The following BRPF1 variants were observed in gnomAD, a reference collection of about 807,000 sequenced individuals.
BRPF1 encodes the protein bromodomain and PHD finger containing 1.
Under a neutral mutation model 115.0 loss-of-function variants are expected in BRPF1, and 15 were observed. That is an observed-to-expected ratio of 0.13 (90% CI 0.09 to 0.20). The LOEUF is 0.20. Ranked by LOEUF, BRPF1 falls within the 10% of genes least tolerant of loss-of-function variation. The probability of loss-of-function intolerance (pLI) is 1.00; values close to 1 mark genes in which losing one functional copy is unlikely to be tolerated. For synonymous variants in BRPF1, 647 were observed against 619.8 expected (o/e 1.04, Z -0.65); for missense variants, 1,118 against 1,638.3 (o/e 0.68, Z 5.48).
chr3:9,740,137 T>C (rs1212522168), intron 3 of BRPF1, among the ~76,000 whole-genome samples, 179 bp downstream of exon 3: 1 of 152,258 alleles, frequency 6.6e-6, no homozygotes, highest in Non-Finnish European at 1.5e-5. Context: ...GACTTTCACA[T>C]TAAGAGCCAG....
intron 2 of BRPF1, among the ~76,000 whole-genome samples, chr3:9,737,156 T>G (rs769734494): frequency 6.6e-6 from 1 of 152,204 alleles, no homozygotes; most frequent in African/African-American, 2.4e-5. Context: ...AAGAAGCTGC[T>G]TCCTACAATG....
intron 3 of BRPF1, 75 bp downstream of exon 3, chr3:9,740,033 T>G: frequency 6.8e-7 from 1 of 1,461,918 alleles, no homozygotes; most frequent in Non-Finnish European, 9.0e-7. Context: ...GCCTCCTGAG[T>G]GGAATGGCAG....
chr3:9,735,540 A>G (rs1330266464), intron 2 of BRPF1, among the ~76,000 whole-genome samples: 1 of 152,218 alleles, frequency 6.6e-6, no homozygotes, highest in Non-Finnish European at 1.5e-5. Flanking sequence ...CCCAAAAGGT[A>G]GAAGACTAGG....
In BRPF1 at chr3:9,745,793, C is replaced by CT. The variant is rs2077115236; in HGVS notation, c.3206-18dup. ...CCCCCCAGCTGCTGATCCACCCCCT[C>CT]TCCCCCATTCCTGTGAAGTGGTAAG... On this transcript the variant is annotated intron_variant, in intron 11 of 13. Transcript: ENST00000383829. The surrounding 1 kb of genome is among the most constrained non-coding windows in gnomAD (Gnocchi z 5.1). 4 of 1,612,436 alleles carry CT rather than the reference C, an allele frequency of 2.5e-6. No homozygotes were observed. The highest frequency in any genetic ancestry group is 3.4e-6 in the Non-Finnish European group (4 of 1,178,648).
In BRPF1 at chr3:9,734,703, C is replaced by T; in HGVS notation, c.563C>T (p.Thr188Ile). ...GTCTATCGGGAGCTGGAACAGGACA[C>T]CCCTGATGCCCCACCCCGGCCAACT... ...EVVYRELEQD[T>I]PDAPPRPTSY... Residue 188 changes from threonine to isoleucine, a missense_variant, in exon 2 of 14, where the codon ACC (threonine) becomes ATC (isoleucine). Physicochemically the swap from Thr to Ile is moderately conservative, Grantham distance 89. Around this residue, in one of 10 missense-constraint regions of BRPF1, gnomAD observed 280 missense variants for 382.8 expected, o/e 0.73. Coordinates refer to ENST00000383829, the MANE Select transcript of BRPF1 (RefSeq NM_001003694.2). This position sits in a 1 kb window ranked among gnomAD's most constrained non-coding sequence, Gnocchi z 5.7. The T allele has an allele frequency of 6.2e-7, 1 of 1,614,164 alleles. No individual in the cohort carries two copies.
rs780956717 is a variant in BRPF1 at position 9,743,612 on chromosome 3, C to A, written c.2346C>A (p.Asn782Lys). Reference protein sequence around the residue: ...AEEERLVLLENQKHLPVEEQL... With the variant: ...AEEERLVLLEKQKHLPVEEQL... ...AAGAGCGGCTGGTCTTGCTGGAGAA[C>A]CAGAAGCACCTGCCAGTGGAAGAAC... Residue 782 changes from asparagine to lysine, a missense_variant, in exon 8 of 14, where the codon AAC becomes AAA. Physicochemically the swap from Asn to Lys is moderately conservative, Grantham distance 94. Around this residue, in one of 10 missense-constraint regions of BRPF1, gnomAD observed 223 missense variants for 240.7 expected, o/e 0.93. Transcript: ENST00000383829. This position sits in a 1 kb window ranked among gnomAD's most constrained non-coding sequence, Gnocchi z 6.1. 5.6e-6 allele frequency: 9 copies of A among 1,613,166 alleles called. No individual in the cohort carries two copies. The highest frequency in any genetic ancestry group is 6.8e-6 in the Non-Finnish European group (8 of 1,179,874).
At chr3:9,736,004 A>ATTTTTTTTT (rs34061910) in intron 2 of BRPF1, among the ~76,000 whole-genome samples, 2 of 89,266 alleles carry the variant, frequency 2.2e-5, no homozygotes, top group Non-Finnish European at 4.1e-5. Flanking sequence ...TTAAACCTCC[A>ATTTTTTTTT]TTTTTTTTTT....
rs778220319 is a variant in BRPF1 at position 9,734,452 on chromosome 3, T to C, written c.312T>C (p.His104=). Residue 104 remains histidine, a synonymous_variant, in exon 2 of 14, where the codon CAT becomes CAC. Transcript: ENST00000383829. This position sits in a 1 kb window ranked among gnomAD's most constrained non-coding sequence, Gnocchi z 5.7. ...AGCGCATGGTGGAGGTGGACTTGCATGGCCGCGTCCACCGCATCAGCATCT... is the reference window on the plus strand; with the variant it reads ...AGCGCATGGTGGAGGTGGACTTGCACGGCCGCGTCCACCGCATCAGCATCT... ...QAQRMVEVDL[H]GRVHRISIFD... is the part of the protein sequence containing the mutation. 1.9e-6 allele frequency: 3 copies of C among 1,614,060 alleles called. No homozygotes were observed. Among genetic ancestry groups the C allele is most frequent in the Non-Finnish European group, 2.5e-6 (3 of 1,180,016 alleles).
chr3:9,739,434 C>T lies in BRPF1; in HGVS notation c.1035C>T (p.Asp345=), dbSNP rs755940931. Residue 345 remains aspartate, a synonymous_variant, in exon 3 of 14, where the codon GAC becomes GAT. Coordinates refer to ENST00000383829, the MANE Select transcript of BRPF1 (RefSeq NM_001003694.2). ...GCGGTGCCTTCAAGCAGACAGATGA[C>T]GGGCGCTGGGCCCATGTGGTGTGTG... ...NKGGAFKQTD[D]GRWAHVVCAL... The T allele has an allele frequency of 1.9e-5, 30 of 1,614,000 alleles. No individual in the cohort carries two copies. The African/African-American group carries it at 2.1e-4, about 11-fold the overall frequency.
At chr3:9,744,039 G>A (rs1201975775) in intron 8 of BRPF1, 138 bp downstream of exon 8, 1 of 1,308,552 alleles carries the variant, frequency 7.6e-7, no homozygotes, top group South Asian at 1.5e-5. Context: ...CCCCAATCAG[G>A]GGCCTCTTAG....
rs1366944095 is a variant in BRPF1 at position 9,747,770 on chromosome 3, G to A, written c.*421G>A. 6.1e-6 allele frequency: 1 copy of A among 162,644 alleles called. No homozygotes were observed. Among genetic ancestry groups the A allele is most frequent in the Non-Finnish European group, 1.3e-5 (1 of 74,564 alleles). 10.1% of individuals were successfully genotyped at this position (162,644 alleles called of 1,614,324 possible). The stretch of plus-strand genomic sequence containing the variant: ...TGTCCAGCCTGGAAGAGGGGCACTA[G>A]GTGACTCCCTCCCCTGCTGTTGTAA... On this transcript the variant is annotated 3_prime_UTR_variant, in exon 14 of 14. Transcript: ENST00000383829. The surrounding 1 kb of genome is among the most constrained non-coding windows in gnomAD (Gnocchi z 5.6).
chr3:9,736,197 G>C (rs1264104038), intron 2 of BRPF1, among the ~76,000 whole-genome samples: 1 of 151,512 alleles, frequency 6.6e-6, no homozygotes, highest in Non-Finnish European at 1.5e-5. Flanking sequence ...TAGTAGAGAT[G>C]GGGTTTCACC....
Position 9,745,758 on chromosome 3 carries a change from G to T in BRPF1, c.3205+49G>T. On this transcript the variant is annotated intron_variant, in intron 11 of 13. Coordinates refer to ENST00000383829, the MANE Select transcript of BRPF1 (RefSeq NM_001003694.2). This position sits in a 1 kb window ranked among gnomAD's most constrained non-coding sequence, Gnocchi z 5.1. Reference sequence around the variant, plus strand: ...GGGATGCTGGGGACCCAGTGTCAGGGTCTCGCCAGCCCCCCAGCTGCTGAT... The same window carrying T: ...GGGATGCTGGGGACCCAGTGTCAGGTTCTCGCCAGCCCCCCAGCTGCTGAT... The T allele has an allele frequency of 6.2e-7, 1 of 1,611,214 alleles. No homozygotes were observed. The highest frequency in any genetic ancestry group is 8.5e-7 in the Non-Finnish European group (1 of 1,177,568).
At position 9,743,674 on chromosome 3, in the gene BRPF1, A is replaced by G. The variant is rs765842169; in HGVS notation, c.2408A>G (p.Asn803Ser). ...CTTCTGGAGCGGCTGGACGAAGTGA[A>G]TGCCAGCAAGCAGAGTGTGGGCCGC... ...KLLLERLDEV[N>S]ASKQSVGRSR... The change falls in exon 8 of 14, where the codon AAT becomes AGT. Residue 803 changes from asparagine (N) to serine (S), a missense_variant. Asn to Ser is a conservative substitution (Grantham distance 46). Transcript: ENST00000383829. This position sits in a 1 kb window ranked among gnomAD's most constrained non-coding sequence, Gnocchi z 6.1. The G allele has an allele frequency of 1.2e-6, 2 of 1,614,172 alleles. No homozygotes were observed. The highest frequency in any genetic ancestry group is 1.7e-6 in the Non-Finnish European group (2 of 1,180,036).
Position 9,747,024 on chromosome 3 carries a change from A to G in BRPF1, c.3480-142A>G. Reference sequence around the variant, plus strand: ...GACTGGGCTCTTTCATCTCTAGACCATGAACAGTCCTTTGAGGGCAGGGAC... The same window carrying G: ...GACTGGGCTCTTTCATCTCTAGACCGTGAACAGTCCTTTGAGGGCAGGGAC... On this transcript the variant is annotated intron_variant, in intron 13 of 13. Coordinates refer to ENST00000383829, the MANE Select transcript of BRPF1 (RefSeq NM_001003694.2). The surrounding 1 kb of genome is among the most constrained non-coding windows in gnomAD (Gnocchi z 5.6). 1 of 919,630 alleles carries G rather than the reference A, an allele frequency of 1.1e-6. No homozygotes were observed. Among genetic ancestry groups the G allele is most frequent in the South Asian group, 1.5e-5 (1 of 66,686 alleles). The allele number at this position is 919,630 out of a possible 1,614,324, so 57.0% of individuals were successfully genotyped here.
intron 2 of BRPF1, among the ~76,000 whole-genome samples, chr3:9,736,801 C>T (rs2076949372): frequency 6.6e-6 from 1 of 152,226 alleles, no homozygotes; most frequent in Admixed American, 6.5e-5. Context: ...GATTTGAGGT[C>T]ATCTCTCTAA....
In BRPF1 at chr3:9,739,820, A is replaced by C. The variant is rs1333251762; in HGVS notation, c.1421A>C (p.Glu474Ala). The change falls in exon 3 of 14, where the codon GAG becomes GCG. Residue 474 changes from glutamate to alanine, a missense_variant. Physicochemically the swap from Glu to Ala is moderately radical, Grantham distance 107. Around this residue, in one of 10 missense-constraint regions of BRPF1, gnomAD observed 87 missense variants for 93.4 expected, o/e 0.93. Coordinates refer to ENST00000383829, the MANE Select transcript of BRPF1 (RefSeq NM_001003694.2). ...GAGGATGAAGATGAGGAGGAGGATG[A>C]GGGTAAGGGCTGGAGCTCAGAGAAA... ...GEEDEDEEED[E>A]GKGWSSEKVK... 1 of 1,607,414 alleles carries C rather than the reference A, an allele frequency of 6.2e-7. No homozygotes were observed. The highest frequency in any genetic ancestry group is 8.5e-7 in the Non-Finnish European group (1 of 1,176,830).
In BRPF1 at chr3:9,745,543, T is replaced by G. The variant is rs1224755575; in HGVS notation, c.3069-30T>G. ...GCTGTTCCCCATTCTTCCCCTCCTT[T>G]GAGCTGAGCTCCCATTGTCTTGTCC... On this transcript the variant is annotated intron_variant, in intron 10 of 13. Transcript: ENST00000383829. This position sits in a 1 kb window ranked among gnomAD's most constrained non-coding sequence, Gnocchi z 5.1. 9 of 1,610,592 alleles carry G rather than the reference T, an allele frequency of 5.6e-6. 1 individual carries two copies. In the Middle Eastern group the frequency reaches 5.0e-4, roughly 89 times the overall value.
In BRPF1 at chr3:9,741,561, T is replaced by C. The variant is rs549945085; in HGVS notation, c.1854+122T>C. 3.0e-3 allele frequency: 3,029 copies of C among 1,001,604 alleles called. 14 individuals are homozygous for C. Among genetic ancestry groups the C allele is most frequent in the Non-Finnish European group, 3.7e-3 (2,836 of 763,686 alleles). The allele number at this position is 1,001,604 out of a possible 1,614,324, so 62.0% of individuals were successfully genotyped here. A position where few individuals can be genotyped will look rare whatever the true frequency, so the allele number is the denominator to read the frequency against. ...CTGAGGCAGGAGAATGGCGTGAACCTGGGAGGAGGGGTTTGCAGTGAGCCA... is the reference window on the plus strand; with the variant it reads ...CTGAGGCAGGAGAATGGCGTGAACCCGGGAGGAGGGGTTTGCAGTGAGCCA... On this transcript the variant is annotated intron_variant, in intron 5 of 13. Coordinates refer to ENST00000383829, the MANE Select transcript of BRPF1 (RefSeq NM_001003694.2).
Sources: allele counts gnomAD v4.1 joint callset (sites outside exome capture counted in the v4.1 genomes callset), GRCh38; gene constraint gnomAD v4.1.1; regional missense constraint gnomAD v4.1.1; non-coding constraint Gnocchi (gnomAD v3.1); transcripts MANE v1.5; gene names NCBI Gene and HGNC (gene_info 2026-07-23, HGNC 2026-07-21).